Variants in DDR2 observed in about 807,000 individuals in gnomAD.
DDR2 encodes the protein discoidin domain receptor tyrosine kinase 2.
DDR2 carries 27 observed loss-of-function variants against 94.9 expected under a neutral mutation model. That is an observed-to-expected ratio of 0.28 (90% CI 0.21 to 0.39). The LOEUF (loss-of-function observed/expected upper bound fraction) is 0.39. Ranked by LOEUF, DDR2 falls within the 10% of genes least tolerant of loss-of-function variation. The probability of loss-of-function intolerance (pLI) is 1.00; values close to 1 mark genes in which losing one functional copy is unlikely to be tolerated. For synonymous variants in DDR2, 382 were observed against 377.2 expected (o/e 1.01, Z -0.15); for missense variants, 783 against 1,076.0 (o/e 0.73, Z 3.81).
intron 3 of DDR2, among the ~76,000 whole-genome samples, chr1:162,749,427 A>G (rs985303514): frequency 6.6e-6 from 1 of 152,226 alleles, no homozygotes; most frequent in African/African-American, 2.4e-5. Flanking sequence ...AAATTCCTGG[A>G]CATATACACC....
intron 7 of DDR2, among the ~76,000 whole-genome samples, chr1:162,758,529 A>G (rs1663567142): frequency 6.6e-6 from 1 of 152,124 alleles, no homozygotes; most frequent in Non-Finnish European, 1.5e-5. Context: ...TTCTGAGGAT[A>G]ATGGGAAATA....
chr1:162,769,381 CTG>C (rs768152806), intron 11 of DDR2, among the ~76,000 whole-genome samples: 14 of 152,322 alleles, frequency 9.2e-5, no homozygotes, highest in Non-Finnish European at 2.1e-4. Flanking sequence ...TAGCTGTAGA[CTG>C]TATGTAGCAT....
At chr1:162,725,631 G>A (rs1661625080) in intron 3 of DDR2, among the ~76,000 whole-genome samples, 1 of 152,158 alleles carries the variant, frequency 6.6e-6, no homozygotes, top group Admixed American at 6.5e-5. Flanking sequence ...AAAGTGCTGG[G>A]ATTACAGGCA....
intron 16 of DDR2, 120 bp from the exon 17 acceptor site, chr1:162,778,460 C>A: frequency 8.1e-7 from 1 of 1,235,542 alleles, no homozygotes; most frequent in Non-Finnish European, 1.2e-6. Context: ...CACATCTTGG[C>A]ATTTTCAGAA....
At chr1:162,770,792 C>T (rs1253885894) in intron 12 of DDR2, 2 of 478,126 alleles carry the variant, frequency 4.2e-6, no homozygotes, top group Non-Finnish European at 7.8e-6. Flanking sequence ...ACCAGAAGAA[C>T]CTAAACAGTC....
chr1:162,773,646 C>T, intron 14 of DDR2, 50 bp downstream of exon 14: 1 of 1,609,832 alleles, frequency 6.2e-7, no homozygotes, highest in East Asian at 2.2e-5. Flanking sequence ...ATCTTTAGGA[C>T]CAGGAATACT....
chr1:162,665,964 G>A (rs1658530099), intron 2 of DDR2, among the ~76,000 whole-genome samples: 1 of 152,152 alleles, frequency 6.6e-6, no homozygotes, highest in Admixed American at 6.5e-5. Flanking sequence ...CATGACCAGA[G>A]CCCTTTTCTT....
intron 9 of DDR2, among the ~76,000 whole-genome samples, chr1:162,761,735 C>T (rs902259784): frequency 5.3e-5 from 8 of 152,136 alleles, no homozygotes; most frequent in East Asian, 1.9e-4. Context: ...AGGTAGTTAA[C>T]GAGTGCGCTG....
chr1:162,653,135 G>T (rs900640384), intron 1 of DDR2, among the ~76,000 whole-genome samples: 1 of 151,206 alleles, frequency 6.6e-6, no homozygotes, highest in Non-Finnish European at 1.5e-5. Flanking sequence ...AACAAACAAA[G>T]AAACTTTTAG....
chr1:162,754,951 T>G, intron 5 of DDR2, 96 bp downstream of exon 5: 1 of 1,494,346 alleles, frequency 6.7e-7, no homozygotes, highest in Non-Finnish European at 9.2e-7. Flanking sequence ...TGGATATGTG[T>G]GTCCACAGAC....
chr1:162,754,373 G>A (rs1358329878), intron 4 of DDR2, among the ~76,000 whole-genome samples: 1 of 152,176 alleles, frequency 6.6e-6, no homozygotes, highest in Non-Finnish European at 1.5e-5. Flanking sequence ...AATCAGGATG[G>A]GAAGTGAAGG....
intron 2 of DDR2, among the ~76,000 whole-genome samples, chr1:162,660,685 G>A (rs1488806686): frequency 1.3e-5 from 2 of 152,152 alleles, no homozygotes; most frequent in Non-Finnish European, 2.9e-5. Flanking sequence ...AGTTGTCACC[G>A]GACACCTTCC....
chr1:162,684,035 C>T (rs536619315), intron 2 of DDR2, among the ~76,000 whole-genome samples: 23 of 152,210 alleles, frequency 1.5e-4, no homozygotes, highest in Middle Eastern at 3.4e-3. Context: ...GACAGAAGTA[C>T]AGACATAGAT....
chr1:162,737,105 T>C (rs1662336484), intron 3 of DDR2, among the ~76,000 whole-genome samples: 2 of 151,702 alleles, frequency 1.3e-5, no homozygotes, highest in South Asian at 2.1e-4. Flanking sequence ...TTTCTTTTTT[T>C]TCGTTTCTTT....
chr1:162,716,059 AC>A (rs1661154342), intron 2 of DDR2, among the ~76,000 whole-genome samples: 1 of 152,130 alleles, frequency 6.6e-6, no homozygotes, highest in South Asian at 2.1e-4. Context: ...ATAAGAATGA[AC>A]CATTTTGAAG....
At chr1:162,730,759 C>T (rs549619196) in intron 3 of DDR2, among the ~76,000 whole-genome samples, 3 of 152,158 alleles carry the variant, frequency 2.0e-5, no homozygotes, top group South Asian at 4.2e-4. Flanking sequence ...GTGTCCTGTC[C>T]GACTCTCAAA....
chr1:162,696,086 C>T (rs1455376542), intron 2 of DDR2, among the ~76,000 whole-genome samples: 1 of 151,818 alleles, frequency 6.6e-6, no homozygotes, highest in Non-Finnish European at 1.5e-5. Context: ...ATAACCCACT[C>T]ATTATATTCC....
At chr1:162,695,074 C>A (rs1190148809) in intron 2 of DDR2, among the ~76,000 whole-genome samples, 1 of 151,856 alleles carries the variant, frequency 6.6e-6, no homozygotes, top group Admixed American at 6.6e-5. Flanking sequence ...GACTTAATTG[C>A]TAAAAAAAAA....
chr1:162,760,111 T>G (rs1663643183), intron 8 of DDR2, 132 bp downstream of exon 8: 1 of 1,204,984 alleles, frequency 8.3e-7, no homozygotes, highest in Non-Finnish European at 1.2e-6. Flanking sequence ...ACTAGCTAAA[T>G]GCATTTCACA....
Sources: gnomAD v4.1 joint callset for allele counts (sites outside exome capture counted in the v4.1 genomes callset) on GRCh38, gnomAD v4.1.1 for gene constraint, MANE v1.5 for transcripts, NCBI Gene and HGNC (gene_info 2026-07-23, HGNC 2026-07-21) for gene names.